OSBPL1A: variants seen among roughly 807,000 people sequenced by gnomAD.
OSBPL1A encodes oxysterol binding protein like 1A.
In OSBPL1A, 80 loss-of-function variants were observed where a neutral mutation model predicts 137.1. That is an observed-to-expected ratio of 0.58 (90% CI 0.49 to 0.70). The LOEUF is 0.70. OSBPL1A is among the 30% of genes least tolerant of loss of function. OSBPL1A has a pLI of 0.00. For synonymous variants in OSBPL1A, 365 were observed against 389.7 expected (o/e 0.94, Z 0.75); for missense variants, 970 against 1,129.4 (o/e 0.86, Z 2.02).
intron 15 of OSBPL1A, among the ~76,000 whole-genome samples, chr18:24,258,221 T>C (rs1191357264): frequency 1.3e-5 from 2 of 152,126 alleles, no homozygotes; most frequent in Non-Finnish European, 2.9e-5. Context: ...GCAACCTACG[T>C]GTCCATCAAC....
At chr18:24,163,527 C>T (rs10775505) in intron 27 of OSBPL1A, among the ~76,000 whole-genome samples, 70,451 of 152,100 alleles carry the variant, frequency 0.46, 19,649 homozygotes, top group Non-Finnish European at 0.63. Flanking sequence ...ATCTAGCAAG[C>T]TACTTGACAG....
Position 24,170,406 on chromosome 18 carries a change from T to C in OSBPL1A, c.2339A>G (p.Tyr780Cys), listed in dbSNP as rs1436142265. 1 of 1,613,930 alleles carries C rather than the reference T, an allele frequency of 6.2e-7. No homozygotes were observed. The highest frequency in any genetic ancestry group is 1.7e-5 in the Admixed American group (1 of 60,016). Residue 780 changes from tyrosine (Y) to cysteine (C), a missense_variant, in exon 24 of 28, where the codon TAC becomes TGC. Around this residue, in one of 2 missense-constraint regions of OSBPL1A, gnomAD observed 323 missense variants for 456.8 expected, o/e 0.71. Coordinates refer to ENST00000319481, the MANE Select transcript of OSBPL1A (RefSeq NM_080597.4). ...ALYGKWTECLYSVDPATFDAY... is the reference protein window; with the variant it reads ...ALYGKWTECLCSVDPATFDAY... ...GTCAAACGTGGCAGGGTCAACACTGTATAAACATTCAGTCCACTTCCCATA... is the reference window on the plus strand; with the variant it reads ...GTCAAACGTGGCAGGGTCAACACTGCATAAACATTCAGTCCACTTCCCATA...
chr18:24,395,612 AG>A (rs2144296838), intron 1 of OSBPL1A, among the ~76,000 whole-genome samples: 1 of 40,646 alleles, frequency 2.5e-5, no homozygotes, highest in African/African-American at 1.1e-4. Context: ...AATGATGGGG[AG>A]AATTTTTTTT....
intron 15 of OSBPL1A, among the ~76,000 whole-genome samples, chr18:24,259,215 C>T (rs868468242): frequency 5.3e-5 from 8 of 152,076 alleles, no homozygotes; most frequent in South Asian, 2.1e-4. Context: ...CCTAAAATTA[C>T]ATCTTTTTAA....
Position 24,375,175 on chromosome 18 carries a change from C to T in OSBPL1A, c.121+2238G>A, listed in dbSNP as rs548253824. Reference sequence around the variant, plus strand: ...ACAAGAAATACAAAAATTAGCCAGGCGTGGTGGCATGTGCTTGTAGTCCCA... The same window carrying T: ...ACAAGAAATACAAAAATTAGCCAGGTGTGGTGGCATGTGCTTGTAGTCCCA... On this transcript the variant is annotated intron_variant, in intron 2 of 27. Transcript: ENST00000319481. Among the ~76,000 whole-genome samples, 14 of 151,868 alleles carry T rather than the reference C, an allele frequency of 9.2e-5. No homozygotes were observed. The South Asian group carries it at 2.1e-3, about 23-fold the overall frequency.
At chr18:24,284,826 A>C (rs780215947) in intron 14 of OSBPL1A, among the ~76,000 whole-genome samples, 36 of 152,316 alleles carry the variant, frequency 2.4e-4, no homozygotes, top group Admixed American at 1.1e-3. Context: ...CCATATTCAG[A>C]AGTTTCCCTA....
At chr18:24,395,303 T>A (rs1025117627) in intron 1 of OSBPL1A, among the ~76,000 whole-genome samples, 3 of 152,210 alleles carry the variant, frequency 2.0e-5, no homozygotes, top group Non-Finnish European at 4.4e-5. Flanking sequence ...CTCCACTAAG[T>A]TATTCATTTG....
chr18:24,268,319 T>C (rs1043746364), intron 15 of OSBPL1A, among the ~76,000 whole-genome samples: 48 of 151,994 alleles, frequency 3.2e-4, no homozygotes, highest in African/African-American at 1.2e-3. Flanking sequence ...AGGGTTTCAC[T>C]ATGCTGCTGA....
chr18:24,239,232 C>A lies in OSBPL1A; in HGVS notation c.1432G>T (p.Asp478Tyr). The change falls in exon 16 of 28, where the codon GAT becomes TAT. Residue 478 changes from aspartate (D) to tyrosine (Y), a missense_variant. Coordinates refer to ENST00000319481, the MANE Select transcript of OSBPL1A (RefSeq NM_080597.4). Reference protein sequence around the residue: ...ASILSEDEFYDALSDSESERS... With the variant: ...ASILSEDEFYYALSDSESERS... Reference sequence around the variant, plus strand: ...ATCCCAGAGTTACCTGACAGCGCATCATAGAACTCGTCCTCGCTAAGGATG... The same window carrying A: ...ATCCCAGAGTTACCTGACAGCGCATAATAGAACTCGTCCTCGCTAAGGATG... 1 of 1,613,820 alleles carries A rather than the reference C, an allele frequency of 6.2e-7. No individual in the cohort carries two copies. The highest frequency in any genetic ancestry group is 8.5e-7 in the Non-Finnish European group (1 of 1,179,884).
In OSBPL1A at chr18:24,165,198, G is replaced by C. The variant is rs375582226; in HGVS notation, c.2660-43C>G. On this transcript the variant is annotated intron_variant, in intron 26 of 27. Transcript: ENST00000319481. ...ACACAAACCATTAACACTCTACACA[G>C]AGGATGCCAGGCACAGTATTAAGCA... 11 of 1,513,766 alleles carry C rather than the reference G, an allele frequency of 7.3e-6. No homozygotes were observed. The African/African-American group carries it at 1.4e-4, about 19-fold the overall frequency. The allele number at this position is 1,513,766 out of a possible 1,614,324, so 93.8% of individuals were successfully genotyped here. A position where few individuals can be genotyped will look rare whatever the true frequency, so the allele number is the denominator to read the frequency against.
rs113981724 is a variant in OSBPL1A, at chr18:24,317,626, G to A, written c.733-226C>T. On this transcript the variant is annotated intron_variant, in intron 9 of 27. Coordinates refer to ENST00000319481, the MANE Select transcript of OSBPL1A (RefSeq NM_080597.4). ...GAAATGCCATACTGATAAGATCAAT[G>A]ATGATTACAGTTTATGGTTCTGACA... Among the ~76,000 whole-genome samples the A allele has an allele frequency of 2.2e-4, 33 of 152,304 alleles. 1 individual carries two copies. Among genetic ancestry groups the A allele is most frequent in the African/African-American group, 7.7e-4 (32 of 41,558 alleles).
In OSBPL1A at chr18:24,317,327, T is replaced by A. The variant is rs756741605; in HGVS notation, c.806A>T (p.Gln269Leu). The change falls in exon 10 of 28, where the codon CAG (glutamine) becomes CTG (leucine). Residue 269 changes from glutamine (Q) to leucine (L), a missense_variant and splice_region_variant. Gln to Leu is a moderately radical substitution (Grantham distance 113, BLOSUM62 -2). Coordinates refer to ENST00000319481, the MANE Select transcript of OSBPL1A (RefSeq NM_080597.4). ...TAAGTGTAAAGATCATAATACTTAC[T>A]GTTTCCTATACCATGAAAGGACTCC... is the stretch of plus-strand genomic sequence containing the variant. ...EHGVLSWYRK[Q>L]PDAVHNIYRQ... 30 of 1,613,040 alleles carry A rather than the reference T, an allele frequency of 1.9e-5. No individual in the cohort carries two copies. The highest frequency in any genetic ancestry group is 2.5e-5 in the Non-Finnish European group (29 of 1,179,086).
intron 4 of OSBPL1A, among the ~76,000 whole-genome samples, chr18:24,349,729 GAA>G (rs80193998): frequency 1.5e-5 from 1 of 65,830 alleles, no homozygotes; most frequent in South Asian, 5.6e-4. Flanking sequence ...AAAGAAAAAA[GAA>G]AAAAAAAAAA....
At chr18:24,203,080 C>T (rs897321098) in intron 17 of OSBPL1A, among the ~76,000 whole-genome samples, 11 of 152,152 alleles carry the variant, frequency 7.2e-5, no homozygotes, top group Non-Finnish European at 1.0e-4. Flanking sequence ...TGGGTTCAAG[C>T]GATTCTCCTG....
chr18:24,366,622 A>G (rs2091705460), intron 4 of OSBPL1A: 2 of 334,812 alleles, frequency 6.0e-6, no homozygotes, highest in African/African-American at 4.2e-5. Context: ...AAAAAGAATA[A>G]TCAGGAGTTC....
chr18:24,351,393 G>A (rs968063265), intron 4 of OSBPL1A, among the ~76,000 whole-genome samples: 1 of 130,632 alleles, frequency 7.7e-6, no homozygotes, highest in Non-Finnish European at 1.6e-5. Flanking sequence ...CAGGAGAGCT[G>A]CTCCCAGAAG....
At chr18:24,379,154 T>G (rs964530680) in intron 1 of OSBPL1A, among the ~76,000 whole-genome samples, 1 of 151,800 alleles carries the variant, frequency 6.6e-6, no homozygotes, top group Non-Finnish European at 1.5e-5. Context: ...AAATTAAAAC[T>G]TCAATAAAAG....
chr18:24,352,143 A>C (rs1051143761), intron 4 of OSBPL1A, among the ~76,000 whole-genome samples: 6 of 152,056 alleles, frequency 3.9e-5, no homozygotes, highest in African/African-American at 1.2e-4. Context: ...TCGTCTCTAC[A>C]AAAAGCATAT....
intron 1 of OSBPL1A, among the ~76,000 whole-genome samples, chr18:24,389,742 A>C (rs1907190801): frequency 6.6e-6 from 1 of 152,118 alleles, no homozygotes; most frequent in Non-Finnish European, 1.5e-5. Flanking sequence ...GAAGTTTGAG[A>C]CCACCCTGGC....
Sources: allele counts gnomAD v4.1 joint callset (sites outside exome capture counted in the v4.1 genomes callset), GRCh38; gene constraint gnomAD v4.1.1; regional missense constraint gnomAD v4.1.1; transcripts MANE v1.5; gene names NCBI Gene and HGNC (gene_info 2026-07-23, HGNC 2026-07-21).